Variants in FYN observed in about 807,000 individuals in gnomAD.
FYN encodes the protein FYN proto-oncogene, Src family tyrosine kinase, also known as tyrosine-protein kinase Fyn.
In FYN, 10 loss-of-function variants were observed where a neutral mutation model predicts 70.2. The observed-to-expected ratio is 0.14, with a 90% CI of 0.09 to 0.24. The LOEUF (loss-of-function observed/expected upper bound fraction) is 0.24, where lower values mean the gene tolerates loss of function less well. Among genes scored for constraint, FYN ranks in the 10% least tolerant of loss-of-function variants. The pLI, the probability that FYN is intolerant of heterozygous loss-of-function variation, is 1.00. For missense variants in FYN, 319 were observed against 673.1 expected, an observed-to-expected ratio of 0.47 and a Z score of 5.82; for synonymous variants, 236 against 248.6, an observed-to-expected ratio of 0.95 and a Z score of 0.48.
chr6:111,822,712 GAAAT>G (rs1014282533), intron 2 of FYN, among the ~76,000 whole-genome samples: 17 of 151,242 alleles, frequency 1.1e-4, no homozygotes, highest in African/African-American at 3.9e-4. Context: ...AAAAAAGAAA[GAAAT>G]AAACAGTAGA....
At chr6:111,684,759 C>T (rs1798920302) in intron 12 of FYN, among the ~76,000 whole-genome samples, 1 of 152,088 alleles carries the variant, frequency 6.6e-6, no homozygotes, top group Non-Finnish European at 1.5e-5. Context: ...ATGGGCATCT[C>T]CTGAAACTGT....
chr6:111,775,401 C>T (rs1326259466), intron 3 of FYN, among the ~76,000 whole-genome samples: 3 of 152,140 alleles, frequency 2.0e-5, no homozygotes, highest in African/African-American at 7.2e-5. Context: ...GAAAATGATA[C>T]TTTTCTTAGT....
intron 3 of FYN, among the ~76,000 whole-genome samples, chr6:111,779,682 G>A (rs1301484788): frequency 6.6e-6 from 1 of 152,196 alleles, no homozygotes; most frequent in Non-Finnish European, 1.5e-5. Flanking sequence ...AGGAGGGGTT[G>A]TGGTGAGTAG....
At chr6:111,753,543 C>T (rs1387818952) in intron 3 of FYN, among the ~76,000 whole-genome samples, 2 of 151,048 alleles carry the variant, frequency 1.3e-5, no homozygotes, top group African/African-American at 4.9e-5. Flanking sequence ...ACAGGAGTGA[C>T]AATCTCAAGA....
intron 1 of FYN, among the ~76,000 whole-genome samples, chr6:111,849,010 A>T (rs1464915085): frequency 1.3e-5 from 2 of 152,190 alleles, no homozygotes; most frequent in Non-Finnish European, 2.9e-5. Context: ...GTGTGTGTGC[A>T]TGTGCGTACA....
intron 2 of FYN, among the ~76,000 whole-genome samples, chr6:111,804,204 C>T (rs1288379691): frequency 1.3e-5 from 2 of 152,164 alleles, no homozygotes; most frequent in Non-Finnish European, 2.9e-5. Flanking sequence ...GAGGGCCATG[C>T]TTAAGGATTC....
intron 2 of FYN, among the ~76,000 whole-genome samples, chr6:111,825,587 C>A (rs1241792890): frequency 6.6e-6 from 1 of 152,174 alleles, no homozygotes; most frequent in Non-Finnish European, 1.5e-5. Flanking sequence ...CACACATGGT[C>A]GTGTGAGGGA....
chr6:111,803,140 G>T (rs1053046038), intron 2 of FYN, among the ~76,000 whole-genome samples: 2 of 152,160 alleles, frequency 1.3e-5, no homozygotes, highest in Non-Finnish European at 2.9e-5. Context: ...AACCCTCAAA[G>T]GCCATTTGGA....
rs113403331 is a variant in FYN, at chr6:111,779,262, T to C, written c.-12+1304A>G. 2.7e-3 allele frequency among the ~76,000 whole-genome samples: 404 copies of C among 151,082 alleles called. 4 individuals carry two copies. Among genetic ancestry groups the C allele is most frequent in the African/African-American group, 9.1e-3 (375 of 41,134 alleles). ...ACCTTAAACACTGGCCCATCTGCAA[T>C]GCCACGGCTGAGTTTCCCAACCACA... On this transcript the variant is annotated intron_variant, in intron 3 of 13. Coordinates refer to ENST00000354650, the MANE Select transcript of FYN (RefSeq NM_002037.5).
intron 3 of FYN, among the ~76,000 whole-genome samples, chr6:111,732,245 T>C (rs981166400): frequency 5.3e-5 from 8 of 152,250 alleles, no homozygotes; most frequent in Admixed American, 5.2e-4. Context: ...AGCAATTTAA[T>C]AGTGACTTTT....
At chr6:111,706,214 G>C (rs577295888) in intron 6 of FYN, among the ~76,000 whole-genome samples, 2 of 152,152 alleles carry the variant, frequency 1.3e-5, no homozygotes, top group South Asian at 4.1e-4. Context: ...TCAGCACTAG[G>C]TGCTGAATGA....
chr6:111,804,664 A>G (rs1772093880), intron 2 of FYN, among the ~76,000 whole-genome samples: 1 of 152,190 alleles, frequency 6.6e-6, no homozygotes, highest in Non-Finnish European at 1.5e-5. Flanking sequence ...CTTGGTAACA[A>G]GGGGATACTT....
intron 12 of FYN, among the ~76,000 whole-genome samples, chr6:111,675,281 A>C (rs1246507824): frequency 6.6e-6 from 1 of 152,172 alleles, no homozygotes; most frequent in Non-Finnish European, 1.5e-5. Flanking sequence ...ACCCAGCAAG[A>C]GTACTATTTA....
At chr6:111,755,445 T>C (rs1463174244) in intron 3 of FYN, among the ~76,000 whole-genome samples, 1 of 152,224 alleles carries the variant, frequency 6.6e-6, no homozygotes, top group African/African-American at 2.4e-5. Flanking sequence ...GAGATTTTAA[T>C]AACACCTCTC....
chr6:111,752,452 C>G (rs1451603382), intron 3 of FYN, among the ~76,000 whole-genome samples: 2 of 152,180 alleles, frequency 1.3e-5, no homozygotes, highest in Non-Finnish European at 2.9e-5. Flanking sequence ...GAAGTCACTT[C>G]CAATGGAGAG....
intron 3 of FYN, among the ~76,000 whole-genome samples, chr6:111,771,880 G>T (rs965354521): frequency 6.6e-6 from 1 of 152,080 alleles, no homozygotes; most frequent in Non-Finnish European, 1.5e-5. Flanking sequence ...CTTGTTTAGG[G>T]ACCTACTCAG....
Position 111,704,032 on chromosome 6 carries a change from T to C in FYN, c.514A>G (p.Thr172Ala), listed in dbSNP as rs1799957755. Reference protein sequence around the residue: ...QLLSFGNPRGTFLIRESETTK... With the variant: ...QLLSFGNPRGAFLIRESETTK... The stretch of plus-strand genomic sequence containing the variant: ...GTTTCACTCTCGCGGATAAGAAAGG[T>C]ACCTCTTGGGTTTCCAAAGGACAAT... Residue 172 changes from threonine (T) to alanine (A), a missense_variant, in exon 7 of 14, where the codon ACC becomes GCC. By Grantham distance (58) the Thr-to-Ala change is moderately conservative. Around this residue, in one of 4 missense-constraint regions of FYN, gnomAD observed 112 missense variants for 250.2 expected, o/e 0.45. Transcript: ENST00000354650. 1.2e-6 allele frequency: 2 copies of C among 1,614,094 alleles called. No individual in the cohort carries two copies. The highest frequency in any genetic ancestry group is 1.7e-6 in the Non-Finnish European group (2 of 1,180,020).
intron 3 of FYN, among the ~76,000 whole-genome samples, chr6:111,725,673 A>G (rs1340647208): frequency 6.6e-6 from 1 of 152,144 alleles, no homozygotes; most frequent in Non-Finnish European, 1.5e-5. Context: ...CCCAGCTATG[A>G]AAAAAAGCAT....
chr6:111,704,800 T>C (rs964165816), intron 6 of FYN, among the ~76,000 whole-genome samples: 23 of 152,006 alleles, frequency 1.5e-4, no homozygotes, highest in Admixed American at 1.5e-3. Context: ...TGGTGGCTCA[T>C]GCCTGTAATC....
Sources: allele counts gnomAD v4.1 joint callset (sites outside exome capture counted in the v4.1 genomes callset), GRCh38; gene constraint gnomAD v4.1.1; regional missense constraint gnomAD v4.1.1; transcripts MANE v1.5; gene names NCBI Gene and HGNC (gene_info 2026-07-23, HGNC 2026-07-21).